SVIL: variants seen among roughly 807,000 people sequenced by gnomAD.
SVIL encodes supervillin.
SVIL carries 101 observed loss-of-function variants against 240.4 expected under a neutral mutation model. The ratio of observed to expected loss-of-function variants is 0.42; its 90% CI spans 0.36 to 0.50. The LOEUF is 0.50. SVIL is among the 20% of genes least tolerant of loss of function. SVIL has a pLI of 0.01. For synonymous variants in SVIL, 999 were observed against 1,100.0 expected, an observed-to-expected ratio of 0.91 and a Z score of 1.82; for missense variants, 2,512 against 2,818.7, an observed-to-expected ratio of 0.89 and a Z score of 2.46.
rs1964867235 is a variant in SVIL, at chr10:29,735,687, C to T, written c.-400+64G>A. On this transcript the variant is annotated intron_variant, in intron 1 of 35. Coordinates refer to the SVIL transcript ENST00000375400. The surrounding 1 kb of genome is among the most constrained non-coding windows in gnomAD (Gnocchi z 4.1). The stretch of plus-strand genomic sequence containing the variant: ...CCCGGAGCAGAGCGCAGCGGCGCGT[C>T]CTGGCGTCTGCCGGCCCCGGCTCCG... 6.6e-6 allele frequency: 1 copy of T among 152,040 alleles called. No individual in the cohort carries two copies. Among genetic ancestry groups the T allele is most frequent in the African/African-American group, 2.4e-5 (1 of 41,396 alleles). 9.4% of individuals were successfully genotyped at this position (152,040 alleles called of 1,614,324 possible). A position where few individuals can be genotyped will look rare whatever the true frequency, so the allele number is the denominator to read the frequency against.
At chr10:29,540,774 C>T (rs1952089180) in intron 6 of SVIL, among the ~76,000 whole-genome samples, 1 of 152,216 alleles carries the variant, frequency 6.6e-6, no homozygotes, top group Non-Finnish European at 1.5e-5. Context: ...GCCGTTTCCA[C>T]CGTCAGAAGA....
chr10:29,693,664 T>C (rs930720232), intron 1 of SVIL, among the ~76,000 whole-genome samples: 2 of 152,148 alleles, frequency 1.3e-5, no homozygotes, highest in African/African-American at 4.8e-5. Flanking sequence ...ACAAGACACC[T>C]GCAAGTGCCA....
chr10:29,531,267 C>A lies in SVIL; in HGVS notation c.2031G>T (p.Thr677=). The change falls in exon 10 of 38, where the codon ACG becomes ACT. Residue 677 remains threonine, a synonymous_variant. Transcript: ENST00000355867. ...ESDRCTSHSE[T]PTVDDEEKVD... ...ACAGGTACTTGCCATCGACAGTTGG[C>A]GTTTCTGAATGTGAAGTGCACCTAG... 6.2e-7 allele frequency: 1 copy of A among 1,613,794 alleles called. No homozygotes were observed. Among genetic ancestry groups the A allele is most frequent in the African/African-American group, 1.3e-5 (1 of 75,024 alleles).
chr10:29,571,173 T>C (rs1198668202), intron 1 of SVIL, among the ~76,000 whole-genome samples: 1 of 152,178 alleles, frequency 6.6e-6, no homozygotes, highest in Admixed American at 6.5e-5. Context: ...TCTTTGTGCC[T>C]ATGGTACAGG....
intron 6 of SVIL, among the ~76,000 whole-genome samples, chr10:29,546,882 GCAGTGAGA>G (rs1952742966): frequency 6.6e-6 from 1 of 152,166 alleles, no homozygotes; most frequent in Non-Finnish European, 1.5e-5. Context: ...AGAGAGTGCA[GCAGTGAGA>G]AAAATATTCC....
At chr10:29,690,062 G>A (rs984704640) in intron 1 of SVIL, among the ~76,000 whole-genome samples, 5 of 152,182 alleles carry the variant, frequency 3.3e-5, no homozygotes, top group South Asian at 4.1e-4. Flanking sequence ...GGCTCCAGAG[G>A]AAAATGACCA....
intron 3 of SVIL, among the ~76,000 whole-genome samples, chr10:29,562,509 G>A (rs1050920879): frequency 6.6e-6 from 1 of 152,128 alleles, no homozygotes; most frequent in East Asian, 1.9e-4. Context: ...GCCTGTAATC[G>A]CAGCACTTTG....
intron 1 of SVIL, among the ~76,000 whole-genome samples, chr10:29,731,349 T>TTGCTTATCC (rs1314146156): frequency 6.6e-6 from 1 of 152,208 alleles, no homozygotes; most frequent in Non-Finnish European, 1.5e-5. Flanking sequence ...CAACTTCTTA[T>TTGCTTATCC]AAACTGAAGT....
chr10:29,579,598 CGGTATTAAACCTTCAG>C (rs1383745323), intron 1 of SVIL, among the ~76,000 whole-genome samples: 1 of 152,218 alleles, frequency 6.6e-6, no homozygotes, highest in Non-Finnish European at 1.5e-5. Flanking sequence ...ATGACAGTCA[CGGTATTAAACCTTCAG>C]GGACTGTGTA....
At chr10:29,689,398 C>A (rs1420657755) in intron 1 of SVIL, among the ~76,000 whole-genome samples, 1 of 152,156 alleles carries the variant, frequency 6.6e-6, no homozygotes. Flanking sequence ...GATTCTCCTG[C>A]CTCAGCTTCC....
chr10:29,687,745 C>A (rs966213126), intron 1 of SVIL, among the ~76,000 whole-genome samples: 1 of 152,206 alleles, frequency 6.6e-6, no homozygotes, highest in Non-Finnish European at 1.5e-5. Flanking sequence ...CAATGCCTTC[C>A]CCCTTTAAGA....
intron 2 of SVIL, among the ~76,000 whole-genome samples, chr10:29,664,702 ACACACATG>A (rs1261909901): frequency 1.3e-5 from 2 of 152,116 alleles, no homozygotes; most frequent in East Asian, 3.9e-4. Context: ...ACACACACAC[ACACACATG>A]CACACATACA....
At chr10:29,573,857 A>G (rs1477139968) in intron 1 of SVIL, among the ~76,000 whole-genome samples, 1 of 152,044 alleles carries the variant, frequency 6.6e-6, no homozygotes, top group Non-Finnish European at 1.5e-5. Context: ...CACCATGCCC[A>G]ACTAATTTTT....
At chr10:29,464,902 C>A (rs1944713973) in intron 34 of SVIL, among the ~76,000 whole-genome samples, 1 of 152,186 alleles carries the variant, frequency 6.6e-6, no homozygotes, top group Non-Finnish European at 1.5e-5. Flanking sequence ...TTGTTACTTT[C>A]CCAACCAGAA....
intron 2 of SVIL, among the ~76,000 whole-genome samples, chr10:29,564,045 C>T (rs758608314): frequency 1.3e-5 from 2 of 152,094 alleles, no homozygotes; most frequent in Non-Finnish European, 2.9e-5. Context: ...ATGGCCCTGC[C>T]CTCTTGCCCC....
At chr10:29,527,223 A>AT (rs1950984520) in intron 12 of SVIL, among the ~76,000 whole-genome samples, 167 bp from the exon 13 acceptor site, 4 of 152,210 alleles carry the variant, frequency 2.6e-5, no homozygotes, top group African/African-American at 9.6e-5. Context: ...TCAAAAGCAA[A>AT]TACAAACTCA....
intron 3 of SVIL, among the ~76,000 whole-genome samples, chr10:29,651,618 T>TTC (rs9299622): frequency 0.015 from 1,980 of 135,342 alleles, 22 homozygotes; most frequent in East Asian, 0.049. Context: ...GCCACATGCA[T>TTC]TCTCTCTCTC....
chr10:29,735,253 G>A lies in SVIL; in HGVS notation c.-400+498C>T, dbSNP rs1402038740. Among the ~76,000 whole-genome samples the A allele has an allele frequency of 6.6e-6, 1 of 151,998 alleles. No homozygotes were observed. Among genetic ancestry groups the A allele is most frequent in the Non-Finnish European group, 1.5e-5 (1 of 67,968 alleles). ...GCGGAGGCGCCGGTCTGGGACCCCGGGCTGGGGCGCGGGAGCCACCGCAGC... is the reference window on the plus strand; with the variant it reads ...GCGGAGGCGCCGGTCTGGGACCCCGAGCTGGGGCGCGGGAGCCACCGCAGC... On this transcript the variant is annotated intron_variant, in intron 1 of 35. Transcript: ENST00000375400. The surrounding 1 kb of genome is among the most constrained non-coding windows in gnomAD (Gnocchi z 4.1).
intron 34 of SVIL, 63 bp from the exon 35 acceptor site, chr10:29,463,698 C>G: frequency 6.4e-7 from 1 of 1,569,172 alleles, no homozygotes; most frequent in African/African-American, 1.4e-5. Context: ...CTAGCTCACT[C>G]CTCCCCCAAC....
Sources: allele counts gnomAD v4.1 joint callset (sites outside exome capture counted in the v4.1 genomes callset), GRCh38; gene constraint gnomAD v4.1.1; non-coding constraint Gnocchi (gnomAD v3.1); transcripts MANE v1.5; gene names NCBI Gene and HGNC (gene_info 2026-07-23, HGNC 2026-07-21).